The following TAPT1 variants were observed in gnomAD, a reference collection of about 807,000 sequenced individuals.
The protein encoded by TAPT1 is transmembrane anterior posterior transformation 1.
A neutral mutation model predicts 65.6 loss-of-function variants in TAPT1; 28 were observed. That is an observed-to-expected ratio of 0.43 (90% CI 0.32 to 0.59). The LOEUF (loss-of-function observed/expected upper bound fraction) is 0.59. TAPT1 is among the 20% of genes least tolerant of loss of function. TAPT1 has a pLI of 0.09. For synonymous variants in TAPT1, 278 were observed against 245.2 expected, an observed-to-expected ratio of 1.13 and a Z score of -1.25; for missense variants, 563 against 679.9, an observed-to-expected ratio of 0.83 and a Z score of 1.91.
intron 13 of TAPT1, among the ~76,000 whole-genome samples, chr4:16,164,820 A>G (rs950298172): frequency 1.3e-5 from 2 of 152,186 alleles, no homozygotes; most frequent in Non-Finnish European, 2.9e-5. Context: ...TGCAATCCTT[A>G]TTACTAATAG....
Position 16,202,554 on chromosome 4 carries a change from G to A in TAPT1, c.357C>T (p.Cys119=). 1 of 1,543,860 alleles carries A rather than the reference G, an allele frequency of 6.5e-7. No homozygotes were observed. Among genetic ancestry groups the A allele is most frequent in the Non-Finnish European group, 8.7e-7 (1 of 1,143,924 alleles). ...EKLMVFGIFL[C]LDAFLYVFTL... ...TGAACACATACAAAAACGCATCCAG[G>A]CACAGAAAGATTCCAAAAACCATCA... Residue 119 remains cysteine, a synonymous_variant, in exon 3 of 14, where the codon TGC becomes TGT. Coordinates refer to ENST00000405303, the MANE Select transcript of TAPT1 (RefSeq NM_153365.3).
intron 4 of TAPT1, 54 bp from the exon 5 acceptor site, chr4:16,188,409 A>T: frequency 7.3e-7 from 1 of 1,365,674 alleles, no homozygotes; most frequent in Non-Finnish European, 9.8e-7. Context: ...TTAAATATAT[A>T]ACTAAAATTG....
At chr4:16,182,754 T>C (rs895346658) in intron 7 of TAPT1, 5 of 152,228 alleles carry the variant, frequency 3.3e-5, no homozygotes, top group African/African-American at 1.2e-4. Flanking sequence ...GGGTTCCACA[T>C]TCAGCTAACG....
chr4:16,184,664 T>A (rs1019358424), intron 7 of TAPT1, among the ~76,000 whole-genome samples: 2 of 152,122 alleles, frequency 1.3e-5, no homozygotes, highest in African/African-American at 4.8e-5. Flanking sequence ...CTCTGGAGGG[T>A]GTGCAGTGCT....
intron 8 of TAPT1, 191 bp downstream of exon 8, chr4:16,179,386 C>A: frequency 4.4e-6 from 2 of 453,112 alleles, no homozygotes; most frequent in Non-Finnish European, 4.0e-6. Flanking sequence ...CTTATGGGAC[C>A]ACCATCGTAT....
rs1180709851 is a variant in TAPT1 at position 16,166,757 on chromosome 4, C to G, written c.1350G>C (p.Leu450=). ...ISLKVLNSIV[L]LGKSCQYVKE... ...TCACATACTGGCACGATTTCCCCAA[C>G]AGCACGATGCTATTAAGTACTTTCA... Residue 450 remains leucine (L), a synonymous_variant, in exon 13 of 14, where the codon CTG becomes CTC. Transcript: ENST00000405303. 3 of 1,613,932 alleles carry G rather than the reference C, an allele frequency of 1.9e-6. No individual in the cohort carries two copies. Among genetic ancestry groups the G allele is most frequent in the South Asian group, 2.2e-5 (2 of 91,072 alleles).
intron 11 of TAPT1, among the ~76,000 whole-genome samples, chr4:16,172,824 TTTG>T (rs1443078138): frequency 6.6e-6 from 1 of 151,754 alleles, no homozygotes; most frequent in East Asian, 1.9e-4. Flanking sequence ...TTGTTTTGTT[TTTG>T]TTGTTTTTTT....
chr4:16,217,111 G>A (rs186565409), intron 1 of TAPT1, among the ~76,000 whole-genome samples: 24 of 152,220 alleles, frequency 1.6e-4, no homozygotes, highest in East Asian at 3.9e-4. Flanking sequence ...ATGCCCAGAC[G>A]GTACCCTCTC....
Position 16,212,009 on chromosome 4 carries a change from GAGAA to G in TAPT1, c.330+1755_330+1758del, listed in dbSNP as rs368595677. Among the ~76,000 whole-genome samples, 278 of 152,306 alleles carry G rather than the reference GAGAA, an allele frequency of 1.8e-3. 1 individual carries two copies. The highest frequency in any genetic ancestry group is 6.2e-3 in the African/African-American group (258 of 41,570). ...GCTTGCTATTTCAGTGTTGCCTTAA[GAGAA>G]AGAAAGAAGGAAGCGTGAAACCAGC... On this transcript the variant is annotated intron_variant, in intron 2 of 13. Transcript: ENST00000405303.
rs574080798 is a variant in TAPT1 at position 16,221,026 on chromosome 4, G to A, written c.199+5233C>T. 3.6e-4 allele frequency among the ~76,000 whole-genome samples: 54 copies of A among 152,008 alleles called. No homozygotes were observed. In the Middle Eastern group the frequency reaches 0.017, roughly 48 times the overall value. On this transcript the variant is annotated intron_variant, in intron 1 of 13. Transcript: ENST00000405303. ...TACGATTATAGGTGTGAGCTACCGT[G>A]CCCAGCCGTCAACTGTGAATATGTA...
chr4:16,224,785 A>C (rs1751450352), intron 1 of TAPT1, among the ~76,000 whole-genome samples: 1 of 152,230 alleles, frequency 6.6e-6, no homozygotes, highest in Non-Finnish European at 1.5e-5. Flanking sequence ...AGAAAAAGCC[A>C]GGGAAGAAGT....
intron 7 of TAPT1, 43 bp from the exon 8 acceptor site, chr4:16,179,700 A>G: frequency 9.9e-7 from 1 of 1,011,474 alleles, no homozygotes. Flanking sequence ...GTGTATATAA[A>G]CAACATAATA....
chr4:16,221,284 C>T (rs1270488491), intron 1 of TAPT1, among the ~76,000 whole-genome samples: 1 of 151,942 alleles, frequency 6.6e-6, no homozygotes. Flanking sequence ...CACCTCCACG[C>T]CCAGCTAATT....
chr4:16,189,145 A>G (rs79319933), intron 4 of TAPT1, among the ~76,000 whole-genome samples: 1,870 of 152,230 alleles, frequency 0.012, 47 homozygotes, highest in African/African-American at 0.043. Context: ...CTCCTTGAAT[A>G]CAGTATAACA....
chr4:16,202,430 A>G, intron 3 of TAPT1, 32 bp downstream of exon 3: 1 of 1,218,548 alleles, frequency 8.2e-7, no homozygotes, highest in Non-Finnish European at 1.2e-6. Flanking sequence ...GAAATACTAT[A>G]CATTTACAAT....
intron 9 of TAPT1, chr4:16,175,027 G>A: frequency 5.0e-6 from 1 of 198,478 alleles, no homozygotes; most frequent in Non-Finnish European, 1.0e-5. Context: ...ACTATTTTAA[G>A]TAGTGTAATG....
intron 1 of TAPT1, 107 bp downstream of exon 1, chr4:16,226,152 A>G (rs1751543280): frequency 2.0e-6 from 2 of 999,560 alleles, no homozygotes; most frequent in African/African-American, 1.8e-5. Flanking sequence ...CCCGGGAGGC[A>G]ACGGCAGCCG....
rs904147426 is a variant in TAPT1, at chr4:16,172,969, G to A, written c.1236+1235C>T. On this transcript the variant is annotated intron_variant, in intron 11 of 13. Coordinates refer to ENST00000405303, the MANE Select transcript of TAPT1 (RefSeq NM_153365.3). ...CTCCTAAGTAGCTGAAATTACAGGC[G>A]CCTGCCACCACGCCTGACTAATTTT... Among the ~76,000 whole-genome samples the A allele has an allele frequency of 1.1e-4, 17 of 151,970 alleles. No individual in the cohort carries two copies. The South Asian group carries it at 1.9e-3, about 17-fold the overall frequency.
intron 2 of TAPT1, among the ~76,000 whole-genome samples, chr4:16,203,323 TG>T (rs1259810363): frequency 6.6e-6 from 1 of 152,230 alleles, no homozygotes; most frequent in Non-Finnish European, 1.5e-5. Context: ...ACAGCATCCA[TG>T]TATCTTTAGT....
Sources: gnomAD v4.1 joint callset for allele counts (sites outside exome capture counted in the v4.1 genomes callset) on GRCh38, gnomAD v4.1.1 for gene constraint, MANE v1.5 for transcripts, NCBI Gene and HGNC (gene_info 2026-07-23, HGNC 2026-07-21) for gene names.